Variants in CCAR1 observed in about 807,000 individuals in gnomAD.
CCAR1 encodes the protein cell division cycle and apoptosis regulator protein 1.
Under a neutral mutation model 163.8 loss-of-function variants are expected in CCAR1, and 78 were observed. That is an observed-to-expected ratio of 0.48 (90% CI 0.40 to 0.57). The LOEUF is 0.57. Ranked by LOEUF, CCAR1 falls within the 20% of genes least tolerant of loss-of-function variation. The probability of loss-of-function intolerance (pLI) is 0.00; values close to 1 mark genes in which losing one functional copy is unlikely to be tolerated. For missense variants in CCAR1, 1,019 were observed against 1,365.2 expected (o/e 0.75, Z 4.00); for synonymous variants, 443 against 460.7 (o/e 0.96, Z 0.49).
chr10:68,742,066 C>T (rs1309112281), intron 5 of CCAR1, among the ~76,000 whole-genome samples: 1 of 152,172 alleles, frequency 6.6e-6, no homozygotes, highest in Non-Finnish European at 1.5e-5. Context: ...AAAGAAATTT[C>T]ATGAGAAAAT....
intron 10 of CCAR1, among the ~76,000 whole-genome samples, chr10:68,749,958 A>G (rs1242577954): frequency 6.6e-6 from 1 of 152,220 alleles, no homozygotes; most frequent in African/African-American, 2.4e-5. Context: ...GAATCAGTTA[A>G]GATCTAGACT....
chr10:68,749,269 T>A lies in CCAR1; in HGVS notation c.956+4T>A. The A allele has an allele frequency of 6.2e-7, 1 of 1,606,220 alleles. No individual in the cohort carries two copies. Among genetic ancestry groups the A allele is most frequent in the Non-Finnish European group, 8.5e-7 (1 of 1,177,614 alleles). ...CTAACAGAAAAGATGATCGAAGGTA[T>A]ATTTTCTAAAGTGTACTGTGGATGG... On this transcript the variant is annotated splice_donor_region_variant and intron_variant, in intron 9 of 24. Coordinates refer to ENST00000265872, the MANE Select transcript of CCAR1 (RefSeq NM_018237.4).
At chr10:68,745,239 C>G (rs1396231058) in intron 6 of CCAR1, among the ~76,000 whole-genome samples, 2 of 152,072 alleles carry the variant, frequency 1.3e-5, no homozygotes, top group Non-Finnish European at 2.9e-5. Flanking sequence ...AACTGCTGAC[C>G]TCGTGATCCA....
chr10:68,768,732 G>A (rs2056565079), intron 17 of CCAR1, among the ~76,000 whole-genome samples: 1 of 152,082 alleles, frequency 6.6e-6, no homozygotes, highest in Non-Finnish European at 1.5e-5. Context: ...CACTTTGAGG[G>A]GCTGAGGTGG....
intron 19 of CCAR1, among the ~76,000 whole-genome samples, chr10:68,776,261 T>C (rs1235824873): frequency 1.3e-5 from 2 of 151,800 alleles, no homozygotes; most frequent in Non-Finnish European, 2.9e-5. Context: ...TTTTCTTTTT[T>C]TTTTTTAAGA....
intron 10 of CCAR1, among the ~76,000 whole-genome samples, chr10:68,750,418 C>T (rs552913324): frequency 1.3e-5 from 2 of 152,064 alleles, no homozygotes; most frequent in African/African-American, 2.4e-5. Flanking sequence ...GACGGGGTTT[C>T]ACCATGTTGT....
At chr10:68,725,153 T>A (rs1048901026) in intron 2 of CCAR1, among the ~76,000 whole-genome samples, 3 of 150,686 alleles carry the variant, frequency 2.0e-5, no homozygotes, top group South Asian at 2.1e-4. Flanking sequence ...AAAAAAAAAA[T>A]AGTTGTAAAA....
rs563054996 is a variant in CCAR1 at position 68,740,882 on chromosome 10, A to ATTTT, written c.324+222_324+225dup. Among the ~76,000 whole-genome samples the ATTTT allele has an allele frequency of 4.6e-3, 681 of 147,406 alleles. 1 individual carries two copies. Among genetic ancestry groups the ATTTT allele is most frequent in the Admixed American group, 8.8e-3 (131 of 14,852 alleles). On this transcript the variant is annotated intron_variant, in intron 5 of 24. Coordinates refer to ENST00000265872, the MANE Select transcript of CCAR1 (RefSeq NM_018237.4). ...ACAGTTTGAATAAATATGAGGTTTT[A>ATTTT]TTTTATTTATTTATTTATTTATTTA...
At chr10:68,789,632 A>G in intron 23 of CCAR1, 78 bp from the exon 24 acceptor site, 1 of 830,872 alleles carries the variant, frequency 1.2e-6, no homozygotes. Context: ...TTATTTTCAC[A>G]GCTTAAATAT....
intron 11 of CCAR1, 62 bp from the exon 12 acceptor site, chr10:68,754,652 G>T (rs2056377002): frequency 2.5e-6 from 2 of 797,656 alleles, no homozygotes; most frequent in Admixed American, 2.2e-5. Flanking sequence ...AATTAGTAGT[G>T]CTTCTCATTT....
At chr10:68,731,519 A>G (rs1179911806) in intron 2 of CCAR1, among the ~76,000 whole-genome samples, 1 of 151,974 alleles carries the variant, frequency 6.6e-6, no homozygotes, top group Non-Finnish European at 1.5e-5. Context: ...CTCTACTGCA[A>G]TGTAAATTAT....
intron 2 of CCAR1, among the ~76,000 whole-genome samples, chr10:68,729,702 TAAAAA>T (rs3998848): frequency 2.8e-5 from 4 of 144,694 alleles, no homozygotes; most frequent in African/African-American, 1.0e-4. Context: ...AACTCCGTCT[TAAAAA>T]AAAAAAAAAA....
At position 68,722,583 on chromosome 10, in the gene CCAR1, G is replaced by A. The variant is rs369461888; in HGVS notation, c.73+6G>A. 5 of 1,604,554 alleles carry A rather than the reference G, an allele frequency of 3.1e-6. No homozygotes were observed. The African/African-American group carries it at 6.7e-5, about 21-fold the overall frequency. On this transcript the variant is annotated splice_donor_region_variant and intron_variant, in intron 2 of 24. Transcript: ENST00000265872. ...CACTGCAGTATCACAGCCAGGTCAGGCTTCTAAATACATGTACTGTAATTG... is the reference window on the plus strand; with the variant it reads ...CACTGCAGTATCACAGCCAGGTCAGACTTCTAAATACATGTACTGTAATTG...
intron 17 of CCAR1, among the ~76,000 whole-genome samples, chr10:68,768,986 C>G (rs879377414): frequency 6.6e-6 from 1 of 152,068 alleles, no homozygotes; most frequent in Non-Finnish European, 1.5e-5. Flanking sequence ...AAGTTTTAAC[C>G]CTTTTTTTGA....
chr10:68,747,827 C>G (rs1564536314), intron 8 of CCAR1, among the ~76,000 whole-genome samples: 2 of 152,018 alleles, frequency 1.3e-5, no homozygotes, highest in Non-Finnish European at 2.9e-5. Flanking sequence ...AATGAATTTG[C>G]TGGGTTTTAA....
At chr10:68,722,253 C>T (rs1023926162) in intron 1 of CCAR1, among the ~76,000 whole-genome samples, 1 of 152,120 alleles carries the variant, frequency 6.6e-6, no homozygotes, top group African/African-American at 2.4e-5. Context: ...TAAAATAGGG[C>T]ATTTTTGGTG....
intron 18 of CCAR1, among the ~76,000 whole-genome samples, chr10:68,772,611 A>C (rs796975476): frequency 3.9e-5 from 6 of 152,112 alleles, no homozygotes; most frequent in African/African-American, 1.2e-4. Context: ...AACCATTTTA[A>C]GCCAGGCACA....
chr10:68,733,619 T>C (rs2056069603), intron 2 of CCAR1, among the ~76,000 whole-genome samples: 1 of 152,026 alleles, frequency 6.6e-6, no homozygotes. Context: ...GCCTGGGCAA[T>C]ATAGCAAGAC....
intron 19 of CCAR1, among the ~76,000 whole-genome samples, chr10:68,781,205 C>A (rs796261057): frequency 2.6e-5 from 4 of 151,016 alleles, no homozygotes; most frequent in Non-Finnish European, 5.9e-5. Flanking sequence ...TGCACTCCAG[C>A]GTGGGTGACA....
Sources: gnomAD v4.1 joint callset for allele counts (sites outside exome capture counted in the v4.1 genomes callset) on GRCh38, gnomAD v4.1.1 for gene constraint, MANE v1.5 for transcripts, NCBI Gene and HGNC (gene_info 2026-07-23, HGNC 2026-07-21) for gene names.